PIWIL3: variants seen among roughly 807,000 people sequenced by gnomAD.
PIWIL3 encodes the protein piwi-like protein 3.
A neutral mutation model predicts 109.7 loss-of-function variants in PIWIL3; 101 were observed. The observed-to-expected ratio is 0.92, with a 90% CI of 0.78 to 1.09. PIWIL3 has a LOEUF of 1.09. Ranked by LOEUF, PIWIL3 falls within the 50% of genes least tolerant of loss-of-function variation. The pLI, the probability that PIWIL3 is intolerant of heterozygous loss-of-function variation, is 0.00. For synonymous variants in PIWIL3, 373 were observed against 376.4 expected, an observed-to-expected ratio of 0.99 and a Z score of 0.10; for missense variants, 1,031 against 1,072.6, an observed-to-expected ratio of 0.96 and a Z score of 0.54.
At chr22:24,730,372 A>AAG (rs1555910449) in intron 14 of PIWIL3, among the ~76,000 whole-genome samples, 1 of 151,616 alleles carries the variant, frequency 6.6e-6, no homozygotes, top group Non-Finnish European at 1.5e-5. Flanking sequence ...TCAAAAAAAA[A>AAG]AAAAAAAAAA....
chr22:24,746,345 AG>A (rs1187451006), intron 12 of PIWIL3, among the ~76,000 whole-genome samples: 34 of 152,204 alleles, frequency 2.2e-4, no homozygotes, highest in Admixed American at 2.2e-3. Context: ...ACTGATGCTG[AG>A]CAGCATTTAT....
intron 1 of PIWIL3, among the ~76,000 whole-genome samples, chr22:24,769,044 C>T (rs1483698311): frequency 1.3e-5 from 2 of 151,926 alleles, no homozygotes; most frequent in Admixed American, 6.5e-5. Flanking sequence ...CTATACAGTC[C>T]TCCTTGGGTA....
chr22:24,740,253 G>A (rs1601833559), intron 12 of PIWIL3, among the ~76,000 whole-genome samples: 5 of 118,048 alleles, frequency 4.2e-5, no homozygotes, highest in Non-Finnish European at 7.4e-5. Flanking sequence ...AGCTCAATTA[G>A]AAATGAAACG....
intron 9 of PIWIL3, 140 bp from the exon 10 acceptor site, chr22:24,749,959 G>T: frequency 9.0e-7 from 1 of 1,114,370 alleles, no homozygotes; most frequent in Non-Finnish European, 1.3e-6. Flanking sequence ...AAGTTTAATA[G>T]TGTACTATGA....
rs766780067 is a variant in PIWIL3, at chr22:24,759,884, C to T, written c.208G>A (p.Gly70Arg). The change falls in exon 3 of 21, where the codon GGA (glycine) becomes AGA (arginine). Residue 70 changes from glycine to arginine, a missense_variant. Physicochemically the swap from Gly to Arg is moderately radical, Grantham distance 125. Transcript: ENST00000616349. ...TTCCTTTCACCTTGAGACTGTGCTCCTCCTCCTGCTCCTCCTCTTGCTGCT... is the reference window on the plus strand; with the variant it reads ...TTCCTTTCACCTTGAGACTGTGCTCTTCCTCCTGCTCCTCCTCTTGCTGCT... ...PRAARGGAGG[G>R]AQSQGVKEPG... is the part of the protein sequence containing the mutation. The T allele has an allele frequency of 4.3e-6, 7 of 1,613,952 alleles. 1 individual carries two copies. The African/African-American group carries it at 8.0e-5, about 18-fold the overall frequency.
intron 1 of PIWIL3, among the ~76,000 whole-genome samples, chr22:24,768,993 A>G (rs5760628): frequency 0.62 from 93,974 of 151,968 alleles, 29,379 homozygotes; most frequent in East Asian, 0.75. Flanking sequence ...AAAGAGCCGC[A>G]AGGTGGTGCT....
chr22:24,768,320 T>C (rs150911705), intron 1 of PIWIL3, among the ~76,000 whole-genome samples: 2,112 of 151,386 alleles, frequency 0.014, 31 homozygotes, highest in African/African-American at 0.042. Context: ...AGTGACACAA[T>C]CTCGGCTCAC....
chr22:24,731,681 T>TG (rs1923359615), intron 14 of PIWIL3, among the ~76,000 whole-genome samples: 1 of 151,936 alleles, frequency 6.6e-6, no homozygotes, highest in Non-Finnish European at 1.5e-5. Flanking sequence ...TAATCACTTA[T>TG]GTCTTTAGAT....
Position 24,774,402 on chromosome 22 carries a change from G to T in PIWIL3, c.-103C>A, listed in dbSNP as rs1268083130. The T allele has an allele frequency of 6.6e-6, 1 of 152,228 alleles. No individual in the cohort carries two copies. Among genetic ancestry groups the T allele is most frequent in the Admixed American group, 6.6e-5 (1 of 15,258 alleles). The allele number at this position is 152,228 out of a possible 1,614,324, so 9.4% of individuals were successfully genotyped here. Reference sequence around the variant, plus strand: ...ATGCACCTCCTCCAGCCATGATGACGCCGGCCACTTCCACAGATGGAAAAA... The same window carrying T: ...ATGCACCTCCTCCAGCCATGATGACTCCGGCCACTTCCACAGATGGAAAAA... On this transcript the variant is annotated 5_prime_UTR_variant, in exon 1 of 21. Transcript: ENST00000616349.
At chr22:24,763,148 CTTT>C (rs11288934) in intron 1 of PIWIL3, among the ~76,000 whole-genome samples, 9 of 141,658 alleles carry the variant, frequency 6.4e-5, no homozygotes, top group Admixed American at 1.4e-4. Context: ...ACTTTTTTTT[CTTT>C]TTTTTTTTTT....
chr22:24,771,938 C>T (rs1169059808), intron 1 of PIWIL3, among the ~76,000 whole-genome samples: 1 of 152,174 alleles, frequency 6.6e-6, no homozygotes, highest in Non-Finnish European at 1.5e-5. Context: ...TCGTGATCCA[C>T]CTGCATTGGC....
At chr22:24,724,054 C>A (rs957831096) in intron 18 of PIWIL3, among the ~76,000 whole-genome samples, 2 of 152,160 alleles carry the variant, frequency 1.3e-5, no homozygotes, top group Admixed American at 1.3e-4. Context: ...GGAAGATTCC[C>A]TGGAACTTTG....
chr22:24,756,769 G>A, intron 4 of PIWIL3, 64 bp from the exon 5 acceptor site: 2 of 1,398,770 alleles, frequency 1.4e-6, no homozygotes, highest in Admixed American at 1.9e-5. Flanking sequence ...AAACAGTTTG[G>A]ACACTACAAT....
At chr22:24,724,420 C>CT (rs531579475) in intron 18 of PIWIL3, among the ~76,000 whole-genome samples, 117 of 151,652 alleles carry the variant, frequency 7.7e-4, no homozygotes, top group African/African-American at 2.7e-3. Flanking sequence ...CACCACCATG[C>CT]TCAGCTAATT....
rs1213181241 is a variant in PIWIL3 at position 24,723,139 on chromosome 22, C to T, written c.2348G>A (p.Arg783Lys). 1.2e-6 allele frequency: 2 copies of T among 1,613,322 alleles called. No individual in the cohort carries two copies. The highest frequency in any genetic ancestry group is 1.7e-5 in the Admixed American group (1 of 60,000). Residue 783 changes from arginine to lysine, a missense_variant, in exon 19 of 21, where the codon AGG (arginine) becomes AAG (lysine). Arg to Lys is a conservative substitution (Grantham distance 26, BLOSUM62 2). Transcript: ENST00000616349. ...PGTVIDVELT[R>K]NEWYDFFIVS... ...AATACAGGTGGCTTACCATTCATTC[C>T]TAGTCAACTCTACATCAATAACTGT...
intron 12 of PIWIL3, 31 bp downstream of exon 12, chr22:24,748,876 C>A (rs768549705): frequency 7.1e-6 from 11 of 1,550,922 alleles, no homozygotes; most frequent in Non-Finnish European, 9.7e-6. Flanking sequence ...TTTGACCCCA[C>A]CATGACATGA....
chr22:24,761,151 C>T (rs915945892), intron 2 of PIWIL3, among the ~76,000 whole-genome samples: 2 of 151,756 alleles, frequency 1.3e-5, no homozygotes, highest in African/African-American at 4.8e-5. Context: ...TTAGGTGGTG[C>T]AGGAGAGGTT....
rs1569103570 is a variant in PIWIL3 at position 24,744,185 on chromosome 22, A to ATT, written c.1449+4721_1449+4722insAA. Among the ~76,000 whole-genome samples the ATT allele has an allele frequency of 1.8e-4, 26 of 144,600 alleles. 2 individuals carry two copies. The South Asian group carries it at 3.5e-3, about 20-fold the overall frequency. The allele number at this position is 144,600 out of a possible 152,430, so 94.9% of individuals were successfully genotyped here. A position where few individuals can be genotyped will look rare whatever the true frequency, so the allele number is the denominator to read the frequency against. On this transcript the variant is annotated intron_variant, in intron 12 of 20. Transcript: ENST00000616349. ...TTGAAAGAGTGACCGAATTAAAAAAAAAAAAAAAAAAAAAAAAAAAAACAA... is the reference window on the plus strand; with the variant it reads ...TTGAAAGAGTGACCGAATTAAAAAAATTAAAAAAAAAAAAAAAAAAAAAACAA...
intron 2 of PIWIL3, among the ~76,000 whole-genome samples, chr22:24,760,951 C>G (rs2147717539): frequency 6.6e-6 from 1 of 152,102 alleles, no homozygotes; most frequent in East Asian, 1.9e-4. Flanking sequence ...TTGTCTGATA[C>G]TGGATAGTTT....
Sources: allele counts gnomAD v4.1 joint callset (sites outside exome capture counted in the v4.1 genomes callset), GRCh38; gene constraint gnomAD v4.1.1; transcripts MANE v1.5; gene names NCBI Gene and HGNC (gene_info 2026-07-23, HGNC 2026-07-21).